The following LIFR variants were observed in gnomAD, a reference collection of about 807,000 sequenced individuals.
LIFR encodes LIF receptor subunit alpha.
Under a neutral mutation model 122.2 loss-of-function variants are expected in LIFR, and 84 were observed. The ratio of observed to expected loss-of-function variants is 0.69; its 90% CI spans 0.58 to 0.82. The LOEUF is 0.82. Ranked by LOEUF, LIFR falls within the 40% of genes least tolerant of loss-of-function variation. The pLI, the probability that LIFR is intolerant of heterozygous loss-of-function variation, is 0.00. For synonymous variants in LIFR, 422 were observed against 434.7 expected (o/e 0.97, Z 0.36); for missense variants, 1,294 against 1,311.6 (o/e 0.99, Z 0.21).
chr5:38,510,418 C>A, intron 7 of LIFR, 46 bp downstream of exon 7: 3 of 1,564,944 alleles, frequency 1.9e-6, no homozygotes, highest in Non-Finnish European at 2.6e-6. Context: ...TCAAGGAAGA[C>A]CAAAACAGGT....
intron 1 of LIFR, among the ~76,000 whole-genome samples, chr5:38,594,408 C>T (rs964291454): frequency 6.6e-6 from 1 of 152,054 alleles, no homozygotes; most frequent in Non-Finnish European, 1.5e-5. Flanking sequence ...ATGCACAACA[C>T]GAAGAGTATA....
At chr5:38,524,165 T>G (rs1325600620) in intron 4 of LIFR, among the ~76,000 whole-genome samples, 1 of 152,204 alleles carries the variant, frequency 6.6e-6, no homozygotes, top group East Asian at 1.9e-4. Context: ...TCTCTGCAGC[T>G]GTCTCAGGCA....
In LIFR at chr5:38,480,127, A is replaced by C. The variant is rs886060620; in HGVS notation, c.*1468T>G. ...CTCAGATGATAAAAAACAAACAAACAACCAAAAAAAACAAACAAAAAAGAC... is the reference window on the plus strand; with the variant it reads ...CTCAGATGATAAAAAACAAACAAACCACCAAAAAAAACAAACAAAAAAGAC... On this transcript the variant is annotated 3_prime_UTR_variant, in exon 20 of 20. Coordinates refer to ENST00000453190, the MANE Select transcript of LIFR (RefSeq NM_001127671.2). The C allele has an allele frequency of 3.1e-5, 7 of 227,994 alleles. No homozygotes were observed. The highest frequency in any genetic ancestry group is 1.1e-4 in the Admixed American group (2 of 17,624). The allele number at this position is 227,994 out of a possible 1,614,324, so 14.1% of individuals were successfully genotyped here. A position where few individuals can be genotyped will look rare whatever the true frequency, so the allele number is the denominator to read the frequency against.
intron 1 of LIFR, among the ~76,000 whole-genome samples, chr5:38,546,861 A>G (rs1375795308): frequency 6.6e-6 from 1 of 152,162 alleles, no homozygotes; most frequent in Non-Finnish European, 1.5e-5. Context: ...AGCTTTGACT[A>G]TTTGTGAGCT....
chr5:38,517,706 A>T (rs1453784601), intron 5 of LIFR, among the ~76,000 whole-genome samples: 1 of 151,694 alleles, frequency 6.6e-6, no homozygotes, highest in East Asian at 1.9e-4. Flanking sequence ...AAATACAAAA[A>T]GTTAGTCGGG....
intron 5 of LIFR, among the ~76,000 whole-genome samples, chr5:38,517,211 T>C (rs891141296): frequency 6.6e-6 from 1 of 151,896 alleles, no homozygotes; most frequent in Non-Finnish European, 1.5e-5. Flanking sequence ...TAATAAAAAA[T>C]TATAAAATTT....
intron 18 of LIFR, among the ~76,000 whole-genome samples, chr5:38,483,312 T>C (rs1266681641): frequency 6.6e-6 from 1 of 152,256 alleles, no homozygotes; most frequent in African/African-American, 2.4e-5. Flanking sequence ...TTGAAATTCC[T>C]ACAGAAAAAA....
chr5:38,509,736 A>C (rs1269700710), intron 7 of LIFR, among the ~76,000 whole-genome samples: 1 of 152,210 alleles, frequency 6.6e-6, no homozygotes, highest in Non-Finnish European at 1.5e-5. Context: ...GTGACACCAA[A>C]ACATTACAGT....
chr5:38,556,821 C>T (rs1748599651), upstream of LIFR: 1 of 150,488 alleles, frequency 6.6e-6, no homozygotes, highest in South Asian at 2.1e-4. Flanking sequence ...AGGAACGCGG[C>T]CGCGCGACGG....
intron 7 of LIFR, among the ~76,000 whole-genome samples, chr5:38,507,989 T>C (rs918165944): frequency 1.3e-5 from 2 of 152,092 alleles, no homozygotes; most frequent in Non-Finnish European, 2.9e-5. Context: ...AGGCCAAATA[T>C]TCAGTCACTC....
chr5:38,549,391 C>A (rs918336249), intron 1 of LIFR, among the ~76,000 whole-genome samples: 2 of 152,110 alleles, frequency 1.3e-5, no homozygotes, highest in African/African-American at 4.8e-5. Context: ...TATTCCCCTA[C>A]ATCACTGTTA....
chr5:38,586,007 TG>T (rs1186231935), intron 1 of LIFR, among the ~76,000 whole-genome samples: 2 of 152,236 alleles, frequency 1.3e-5, no homozygotes, highest in East Asian at 3.9e-4. Flanking sequence ...CTAAGCCGAG[TG>T]TAGCATCACT....
chr5:38,591,869 T>G (rs1290844533), intron 1 of LIFR, among the ~76,000 whole-genome samples: 2 of 152,208 alleles, frequency 1.3e-5, no homozygotes, highest in Non-Finnish European at 2.9e-5. Flanking sequence ...AAGAGCATTT[T>G]GATCTAGAAG....
intron 8 of LIFR, 76 bp downstream of exon 8, chr5:38,506,427 G>T: frequency 1.3e-6 from 2 of 1,508,222 alleles, no homozygotes; most frequent in Non-Finnish European, 1.8e-6. Flanking sequence ...ATGATCTAGT[G>T]CAGTTCCCTA....
rs548522493 is a variant in LIFR at position 38,572,903 on chromosome 5, C to G, written c.-20+22358G>C. Among the ~76,000 whole-genome samples the G allele has an allele frequency of 1.3e-4, 20 of 152,328 alleles. 1 individual carries two copies. The highest frequency in any genetic ancestry group is 4.3e-4 in the African/African-American group (18 of 41,574). On this transcript the variant is annotated intron_variant, in intron 1 of 19. Coordinates refer to the LIFR transcript ENST00000263409. The stretch of plus-strand genomic sequence containing the variant: ...CCTAACCAATCATACTCCTTCCCTA[C>G]ACACTACGAAACAGTTCAAACTGTG...
In LIFR at chr5:38,490,230, A is replaced by G. The variant is rs1744509786; in HGVS notation, c.2127T>C (p.Tyr709=). 1 of 1,584,260 alleles carries G rather than the reference A, an allele frequency of 6.3e-7. No individual in the cohort carries two copies. Among genetic ancestry groups the G allele is most frequent in the Non-Finnish European group, 8.7e-7 (1 of 1,155,170 alleles). Residue 709 remains tyrosine, a synonymous_variant, in exon 15 of 20, where the codon TAT becomes TAC. Coordinates refer to ENST00000453190, the MANE Select transcript of LIFR (RefSeq NM_001127671.2). ...FFLYGCRNQG[Y]QLLRSMIGYI... The stretch of plus-strand genomic sequence containing the variant: ...ATCCAATCATGGAGCGTAATAATTG[A>G]TATCCTTGATTTCTGCATCCATACA...
Position 38,479,851 on chromosome 5 carries a change from AC to A in LIFR, c.*1743del, listed in dbSNP as rs773615697. 12 of 226,950 alleles carry A rather than the reference AC, an allele frequency of 5.3e-5. No homozygotes were observed. Among genetic ancestry groups the A allele is most frequent in the Non-Finnish European group, 9.6e-5 (11 of 114,188 alleles). 14.1% of individuals were successfully genotyped at this position (226,950 alleles called of 1,614,324 possible). A position where few individuals can be genotyped will look rare whatever the true frequency, so the allele number is the denominator to read the frequency against. On this transcript the variant is annotated 3_prime_UTR_variant, in exon 20 of 20. Transcript: ENST00000453190. ...TTTTCATTACTGAACATTTCTATGAACTATTATATAGTTTTAATATACTATG... is the reference window on the plus strand; with the variant it reads ...TTTTCATTACTGAACATTTCTATGAATATTATATAGTTTTAATATACTATG...
intron 1 of LIFR, among the ~76,000 whole-genome samples, chr5:38,532,103 T>C (rs986166548): frequency 6.6e-6 from 1 of 152,204 alleles, no homozygotes; most frequent in African/African-American, 2.4e-5. Context: ...ACTCAAACTC[T>C]GACTAAAATA....
At chr5:38,504,415 C>CAAAAAAAAAAAAAAAAAAAA (rs71604899) in intron 9 of LIFR, among the ~76,000 whole-genome samples, 2 of 120,438 alleles carry the variant, frequency 1.7e-5, no homozygotes, top group African/African-American at 6.3e-5. Flanking sequence ...AGGGAATGAC[C>CAAAAAAAAAAAAAAAAAAAA]AAAAAAAAAA....
Sources: gnomAD v4.1 joint callset for allele counts (sites outside exome capture counted in the v4.1 genomes callset) on GRCh38, gnomAD v4.1.1 for gene constraint, MANE v1.5 for transcripts, NCBI Gene and HGNC (gene_info 2026-07-23, HGNC 2026-07-21) for gene names.